SDK1: variants seen among roughly 807,000 people sequenced by gnomAD.
SDK1 encodes the protein sidekick cell adhesion molecule 1, also known as protein sidekick-1.
Under a neutral mutation model 245.5 loss-of-function variants are expected in SDK1, and 157 were observed. That is an observed-to-expected ratio of 0.64 (90% confidence interval 0.56 to 0.73). The LOEUF (loss-of-function observed/expected upper bound fraction) is 0.73, where lower values mean the gene tolerates loss of function less well. SDK1 is among the 30% of genes least tolerant of loss of function. The pLI is 0.00. For synonymous variants in SDK1, 1,647 were observed against 1,278.5 expected, an observed-to-expected ratio of 1.29 and a Z score of -6.15; for missense variants, 3,583 against 3,002.3, an observed-to-expected ratio of 1.19 and a Z score of -4.52.
In SDK1 at chr7:4,161,853, G is replaced by T; in HGVS notation, c.4797G>T (p.Trp1599Cys). 6.2e-7 allele frequency: 1 copy of T among 1,613,844 alleles called. No homozygotes were observed. Among genetic ancestry groups the T allele is most frequent in the Non-Finnish European group, 8.5e-7 (1 of 1,179,712 alleles). ...CCACGTCCTCTGTCCTGATACAGTG[G>T]CAGGTAAGAGCGCGGGGAATCACGC... ...PHTTSSVLIQ[W>C]QPPRDESLNG... The change falls in exon 32 of 45, where the codon TGG becomes TGT. Residue 1599 changes from tryptophan to cysteine, a missense_variant. Physicochemically the swap from Trp to Cys is radical, Grantham distance 215. Coordinates refer to ENST00000404826, the MANE Select transcript of SDK1 (RefSeq NM_152744.4).
intron 22 of SDK1, among the ~76,000 whole-genome samples, chr7:4,094,481 G>T (rs1282729681): frequency 6.6e-6 from 1 of 152,176 alleles, no homozygotes; most frequent in Non-Finnish European, 1.5e-5. Flanking sequence ...CATTCGCTGT[G>T]GTCCAGTGCT....
chr7:3,737,234 G>A (rs1237846078), intron 4 of SDK1, among the ~76,000 whole-genome samples: 1 of 152,200 alleles, frequency 6.6e-6, no homozygotes, highest in Non-Finnish European at 1.5e-5. Context: ...CTCCGCAGTT[G>A]GACCGGACTG....
At chr7:4,032,371 G>C (rs572587942) in intron 17 of SDK1, among the ~76,000 whole-genome samples, 2 of 152,258 alleles carry the variant, frequency 1.3e-5, no homozygotes, top group East Asian at 1.9e-4. Context: ...TGTACCTCAA[G>C]CTCTCAAATC....
chr7:3,487,988 T>G (rs888139664), intron 1 of SDK1, among the ~76,000 whole-genome samples: 2 of 152,186 alleles, frequency 1.3e-5, no homozygotes, highest in African/African-American at 4.8e-5. Context: ...CACATTTTGC[T>G]TACTCCTACT....
At chr7:3,810,286 G>A (rs1395147218) in intron 4 of SDK1, among the ~76,000 whole-genome samples, 1 of 151,992 alleles carries the variant, frequency 6.6e-6, no homozygotes, top group African/African-American at 2.4e-5. Flanking sequence ...ACTGTTTAAG[G>A]ATCTAAAGAC....
intron 1 of SDK1, among the ~76,000 whole-genome samples, chr7:3,403,847 ATATATATATATATATATATATAAT>A (rs1177897539): frequency 9.0e-5 from 9 of 99,886 alleles, no homozygotes; most frequent in African/African-American, 4.6e-4. Flanking sequence ...ATATATATAT[ATATATATATATATATATATATAAT>A]ATATATATTT....
At chr7:3,441,729 C>A (rs1427920382) in intron 1 of SDK1, among the ~76,000 whole-genome samples, 1 of 152,106 alleles carries the variant, frequency 6.6e-6, no homozygotes, top group Non-Finnish European at 1.5e-5. Flanking sequence ...TGCATTGGAT[C>A]TTGTAAATCA....
chr7:3,696,439 T>C (rs1784573582), intron 4 of SDK1, among the ~76,000 whole-genome samples: 1 of 152,176 alleles, frequency 6.6e-6, no homozygotes, highest in African/African-American at 2.4e-5. Context: ...ATTGGATCAC[T>C]AACTGATAGG....
chr7:3,861,848 G>T (rs762128724), intron 5 of SDK1, among the ~76,000 whole-genome samples: 1 of 152,178 alleles, frequency 6.6e-6, no homozygotes, highest in African/African-American at 2.4e-5. Context: ...TATCTGTCCT[G>T]ATTACTGAAT....
At chr7:4,007,161 G>A (rs1785545130) in intron 14 of SDK1, among the ~76,000 whole-genome samples, 1 of 152,260 alleles carries the variant, frequency 6.6e-6, no homozygotes, top group Non-Finnish European at 1.5e-5. Flanking sequence ...GGAAAAGATG[G>A]CGTTCCTGAA....
chr7:4,241,447 C>T (rs1786510428), intron 42 of SDK1, among the ~76,000 whole-genome samples: 1 of 152,164 alleles, frequency 6.6e-6, no homozygotes, highest in Admixed American at 6.5e-5. Context: ...CCAGCCTGGG[C>T]AACGTAGCGA....
rs1283863039 is a variant in SDK1 at position 3,403,833 on chromosome 7, A to ATATG, written c.298+101952_298+101953insGTAT. Among the ~76,000 whole-genome samples, 16 of 44,272 alleles carry ATATG rather than the reference A, an allele frequency of 3.6e-4. 1 individual carries two copies. In the East Asian group the frequency reaches 9.9e-3, roughly 27 times the overall value. The allele number at this position is 44,272 out of a possible 152,430, so 29.0% of individuals were successfully genotyped here. A position where few individuals can be genotyped will look rare whatever the true frequency, so the allele number is the denominator to read the frequency against. ...GATTTGAAATATCTTACATATATAT[A>ATATG]TATATATATATATATATATATATAT... On this transcript the variant is annotated intron_variant, in intron 1 of 44. Transcript: ENST00000404826.
chr7:3,969,275 G>A lies in SDK1; in HGVS notation c.1565G>A (p.Ser522Asn). Reference sequence around the variant, plus strand: ...TCTTTAGAAAACCACATTCTGGCCAGTGGCTCTGTCCGGATTCCTAGGTTC... The same window carrying A: ...TCTTTAGAAAACCACATTCTGGCCAATGGCTCTGTCCGGATTCCTAGGTTC... ...TWKRENHILA[S>N]GSVRIPRFML... is the part of the protein sequence containing the mutation. Residue 522 changes from serine (S) to asparagine (N), a missense_variant, in exon 11 of 45, where the codon AGT (serine) becomes AAT (asparagine). Physicochemically the swap from Ser to Asn is conservative, Grantham distance 46. Coordinates refer to ENST00000404826, the MANE Select transcript of SDK1 (RefSeq NM_152744.4). 1 of 1,603,128 alleles carries A rather than the reference G, an allele frequency of 6.2e-7. No individual in the cohort carries two copies. Among genetic ancestry groups the A allele is most frequent in the Non-Finnish European group, 8.5e-7 (1 of 1,174,744 alleles).
chr7:4,191,520 C>G (rs1217189506), intron 35 of SDK1, among the ~76,000 whole-genome samples: 2 of 152,252 alleles, frequency 1.3e-5, no homozygotes, highest in Non-Finnish European at 2.9e-5. Context: ...ACGCTGGCAG[C>G]CAGTGGAGGC....
chr7:4,071,062 G>A (rs144679302), intron 20 of SDK1, among the ~76,000 whole-genome samples: 9 of 151,878 alleles, frequency 5.9e-5, no homozygotes, highest in Non-Finnish European at 1.0e-4. Flanking sequence ...GTGTCTCTCT[G>A]TCACCCAGGT....
chr7:3,856,101 A>T (rs977252819), intron 5 of SDK1, among the ~76,000 whole-genome samples: 7 of 152,172 alleles, frequency 4.6e-5, no homozygotes, highest in African/African-American at 1.4e-4. Context: ...GAGAAGAGAG[A>T]TGTGGAGTAA....
rs574194890 is a variant in SDK1 at position 3,482,488 on chromosome 7, G to A, written c.299-136592G>A. ...GAATAAATCTGGAACCCTAAAGTCC[G>A]TAATGTAAAAGGTGAATGAGAAAGA... On this transcript the variant is annotated intron_variant, in intron 1 of 44. Transcript: ENST00000404826. 9.2e-5 allele frequency among the ~76,000 whole-genome samples: 14 copies of A among 152,280 alleles called. No individual in the cohort carries two copies. In the East Asian group the frequency reaches 9.6e-4, roughly 10 times the overall value.
At chr7:3,346,699 G>GTT (rs1780507929) in intron 1 of SDK1, among the ~76,000 whole-genome samples, 1 of 127,838 alleles carries the variant, frequency 7.8e-6, no homozygotes, top group African/African-American at 3.3e-5. Flanking sequence ...GTGTATGTGT[G>GTT]TTTGTGTGTG....
rs192738448 is a variant in SDK1 at position 3,349,093 on chromosome 7, G to A, written c.298+47209G>A. ...TGTTGAAGTGCACTTCAGTTTTGTC[G>A]TTCTCATTTCCCTTCTGGATTCTTG... On this transcript the variant is annotated intron_variant, in intron 1 of 44. Transcript: ENST00000404826. Among the ~76,000 whole-genome samples, 452 of 151,962 alleles carry A rather than the reference G, an allele frequency of 3.0e-3. 2 individuals are homozygous for A. The highest frequency in any genetic ancestry group is 5.8e-3 in the Admixed American group (89 of 15,260).
Sources: gnomAD v4.1 joint callset for allele counts (sites outside exome capture counted in the v4.1 genomes callset) on GRCh38, gnomAD v4.1.1 for gene constraint, MANE v1.5 for transcripts, NCBI Gene and HGNC (gene_info 2026-07-23, HGNC 2026-07-21) for gene names.